Variants in STX8 observed in about 807,000 individuals in gnomAD.
STX8 encodes the protein syntaxin 8, also known as syntaxin-8.
Under a neutral mutation model 37.5 loss-of-function variants are expected in STX8, and 23 were observed. The observed-to-expected ratio is 0.61, with a 90% CI of 0.44 to 0.87. The LOEUF (loss-of-function observed/expected upper bound fraction) is 0.87, where lower values mean the gene tolerates loss of function less well. Ranked by LOEUF, STX8 falls within the 40% of genes least tolerant of loss-of-function variation. The probability of loss-of-function intolerance (pLI) is 0.00; values close to 1 mark genes in which losing one functional copy is unlikely to be tolerated. For missense variants in STX8, 313 were observed against 284.7 expected (o/e 1.10, Z -0.71); for synonymous variants, 115 against 99.1 (o/e 1.16, Z -0.95).
chr17:9,296,823 T>C (rs982190202), intron 7 of STX8, among the ~76,000 whole-genome samples: 1 of 152,144 alleles, frequency 6.6e-6, no homozygotes, highest in Non-Finnish European at 1.5e-5. Context: ...AGCTCCAAGG[T>C]GAGACAAAGG....
At chr17:9,455,227 C>T (rs557877433) in intron 6 of STX8, among the ~76,000 whole-genome samples, 6 of 149,762 alleles carry the variant, frequency 4.0e-5, no homozygotes, top group African/African-American at 9.9e-5. Flanking sequence ...AGGCTGGGTG[C>T]GGTGGCTCAC....
intron 7 of STX8, among the ~76,000 whole-genome samples, chr17:9,317,196 A>AT (rs1405077399): frequency 1.3e-5 from 2 of 152,210 alleles, no homozygotes; most frequent in Non-Finnish European, 2.9e-5. Flanking sequence ...GTGGTGAAAG[A>AT]AAGAGCTCTA....
chr17:9,384,739 T>C (rs1441004424), intron 6 of STX8, among the ~76,000 whole-genome samples: 2 of 151,674 alleles, frequency 1.3e-5, no homozygotes, highest in Non-Finnish European at 2.9e-5. Flanking sequence ...CAAGAGAGTC[T>C]GATATTAGAA....
chr17:9,387,708 C>T (rs1003394677), intron 6 of STX8, among the ~76,000 whole-genome samples: 15 of 152,188 alleles, frequency 9.9e-5, no homozygotes, highest in African/African-American at 2.7e-4. Flanking sequence ...ACTGTTCTCA[C>T]GCAACCGAAT....
intron 7 of STX8, among the ~76,000 whole-genome samples, chr17:9,361,326 A>G (rs1427941968): frequency 6.6e-6 from 1 of 152,268 alleles, no homozygotes; most frequent in Non-Finnish European, 1.5e-5. Flanking sequence ...TTTTCTAAAT[A>G]CCACAGATTC....
chr17:9,373,601 G>A (rs999539489), intron 7 of STX8, among the ~76,000 whole-genome samples: 1 of 152,140 alleles, frequency 6.6e-6, no homozygotes, highest in Non-Finnish European at 1.5e-5. Context: ...GCTGAAAGAG[G>A]GAGGAATAGG....
intron 1 of STX8, among the ~76,000 whole-genome samples, chr17:9,573,080 A>ACCCCCCCCCCCCCCCCCCCCCCCC (rs71135994): frequency 9.8e-6 from 1 of 101,578 alleles, no homozygotes; most frequent in African/African-American, 3.8e-5. Flanking sequence ...CACCCCCAAC[A>ACCCCCCCCCCCCCCCCCCCCCCCC]CCCCCCCCCA....
intron 5 of STX8, among the ~76,000 whole-genome samples, chr17:9,500,910 CAGA>C (rs1225132705): frequency 1.3e-5 from 2 of 152,050 alleles, no homozygotes; most frequent in Non-Finnish European, 2.9e-5. Context: ...GAGGCTGAGG[CAGA>C]AGAATGTCGT....
intron 3 of STX8, chr17:9,553,016 TAA>T (rs1200345565): frequency 6.6e-6 from 1 of 152,188 alleles, no homozygotes; most frequent in African/African-American, 2.4e-5. Context: ...AACCCCTCTG[TAA>T]AGAGATTTTC....
At chr17:9,503,093 C>T (rs544478109) in intron 5 of STX8, among the ~76,000 whole-genome samples, 260 of 98,668 alleles carry the variant, frequency 2.6e-3, no homozygotes, top group African/African-American at 9.3e-3. Flanking sequence ...GCAGCAAAGC[C>T]AGACTCTGTC....
chr17:9,492,301 CA>C (rs2142477583), intron 5 of STX8, among the ~76,000 whole-genome samples: 1 of 152,234 alleles, frequency 6.6e-6, no homozygotes, highest in South Asian at 2.1e-4. Flanking sequence ...AAAGTTTTAA[CA>C]TCGCTACTAA....
intron 4 of STX8, among the ~76,000 whole-genome samples, chr17:9,543,726 A>G (rs557419330): frequency 4.6e-5 from 7 of 152,270 alleles, no homozygotes; most frequent in African/African-American, 1.2e-4. Context: ...CCAGGGAAAT[A>G]TTGGGAACCA....
At chr17:9,534,464 A>G (rs1231234150) in intron 4 of STX8, among the ~76,000 whole-genome samples, 2 of 152,206 alleles carry the variant, frequency 1.3e-5, no homozygotes, top group Non-Finnish European at 2.9e-5. Context: ...TTTTGGAATT[A>G]CATTAGCTGA....
At chr17:9,559,598 A>C (rs1306312915) in intron 2 of STX8, among the ~76,000 whole-genome samples, 1 of 150,888 alleles carries the variant, frequency 6.6e-6, no homozygotes, top group Non-Finnish European at 1.5e-5. Context: ...TTGCTCTAGA[A>C]GTTCTAACCA....
chr17:9,303,152 G>A (rs961662223), intron 7 of STX8, among the ~76,000 whole-genome samples: 15 of 151,998 alleles, frequency 9.9e-5, no homozygotes, highest in East Asian at 1.9e-4. Context: ...TTAGCTGGGC[G>A]TGGTGGCGCA....
At chr17:9,409,015 C>T (rs11078798) in intron 6 of STX8, among the ~76,000 whole-genome samples, 1 of 151,828 alleles carries the variant, frequency 6.6e-6, no homozygotes, top group Non-Finnish European at 1.5e-5. Context: ...TCCCTACCCC[C>T]CCTACTGCTC....
chr17:9,535,424 C>CTT (rs35962202), intron 4 of STX8, among the ~76,000 whole-genome samples: 608 of 51,532 alleles, frequency 0.012, 156 homozygotes, highest in African/African-American at 0.024. Context: ...AGCCATCCTA[C>CTT]TTTTTTTTTT....
intron 6 of STX8, among the ~76,000 whole-genome samples, chr17:9,430,208 TA>T: frequency 7.7e-6 from 1 of 130,654 alleles, no homozygotes; most frequent in Non-Finnish European, 1.6e-5. Context: ...ATATATAATT[TA>T]TATATAAATA....
At chr17:9,302,799 T>C (rs1048344497) in intron 7 of STX8, among the ~76,000 whole-genome samples, 1 of 151,874 alleles carries the variant, frequency 6.6e-6, no homozygotes, top group Non-Finnish European at 1.5e-5. Context: ...TTCCAGGGTC[T>C]GGGGGTTCAG....
Sources: allele counts gnomAD v4.1 joint callset (sites outside exome capture counted in the v4.1 genomes callset), GRCh38; gene constraint gnomAD v4.1.1; transcripts MANE v1.5; gene names NCBI Gene and HGNC (gene_info 2026-07-23, HGNC 2026-07-21).